The following TLE4 variants were observed in gnomAD, a reference collection of about 807,000 sequenced individuals.
The protein encoded by TLE4 is transducin-like enhancer protein 4.
Under a neutral mutation model 92.8 loss-of-function variants are expected in TLE4, and 8 were observed. The observed-to-expected ratio is 0.09, with a 90% CI of 0.05 to 0.16. TLE4 has a LOEUF of 0.16. TLE4 is among the 10% of genes least tolerant of loss of function. TLE4 has a pLI of 1.00. For missense variants in TLE4, 675 were observed against 997.6 expected (o/e 0.68, Z 4.36); for synonymous variants, 371 against 374.1 (o/e 0.99, Z 0.10).
chr9:79,598,110 G>A lies in TLE4; in HGVS notation c.253-14546G>A, dbSNP rs111324818. On this transcript the variant is annotated intron_variant, in intron 4 of 19. Coordinates refer to ENST00000376552, the MANE Select transcript of TLE4 (RefSeq NM_007005.6). ...AAAAAAAAAAAAAACTTACCCAGGC[G>A]TGGTGGCATGTGCCTGTAATCTCAG... 1.7e-3 allele frequency among the ~76,000 whole-genome samples: 263 copies of A among 150,664 alleles called. 1 individual carries two copies. The highest frequency in any genetic ancestry group is 5.5e-3 in the African/African-American group (226 of 41,012).
chr9:79,603,837 G>A (rs1203920273), intron 4 of TLE4, among the ~76,000 whole-genome samples: 2 of 152,126 alleles, frequency 1.3e-5, no homozygotes, highest in Non-Finnish European at 2.9e-5. Flanking sequence ...GGGGCTATAA[G>A]ACAAAGCTAT....
At chr9:79,691,727 TG>T (rs1005669283) in intron 8 of TLE4, among the ~76,000 whole-genome samples, 9 of 152,208 alleles carry the variant, frequency 5.9e-5, no homozygotes, top group African/African-American at 2.2e-4. Flanking sequence ...TCAGGAGGTT[TG>T]GCTCCAGCTT....
chr9:79,719,183 T>A (rs2075140727), intron 15 of TLE4, among the ~76,000 whole-genome samples: 1 of 152,170 alleles, frequency 6.6e-6, no homozygotes, highest in Admixed American at 6.5e-5. Context: ...TGCACCATAC[T>A]GATTTCATTA....
intron 8 of TLE4, among the ~76,000 whole-genome samples, chr9:79,687,223 C>T (rs2066058570): frequency 6.6e-6 from 1 of 152,214 alleles, no homozygotes; most frequent in South Asian, 2.1e-4. Context: ...TCACCATGCT[C>T]CTCACTTGCT....
At chr9:79,595,819 G>A (rs369409627) in intron 4 of TLE4, among the ~76,000 whole-genome samples, 38 of 150,964 alleles carry the variant, frequency 2.5e-4, no homozygotes, top group African/African-American at 8.5e-4. Flanking sequence ...TTATCTGAGA[G>A]AATTTTTGTT....
intron 6 of TLE4, among the ~76,000 whole-genome samples, chr9:79,639,246 AAATTCCTTT>A (rs1454082465): frequency 6.6e-6 from 1 of 152,058 alleles, no homozygotes; most frequent in East Asian, 1.9e-4. Flanking sequence ...TGAGAAATAA[AAATTCCTTT>A]AAAAAAAATT....
chr9:79,692,280 G>A (rs899380230), intron 8 of TLE4, among the ~76,000 whole-genome samples: 2 of 151,950 alleles, frequency 1.3e-5, no homozygotes, highest in Non-Finnish European at 2.9e-5. Context: ...AGGAGGGCAG[G>A]AAGATACCCA....
At chr9:79,695,665 G>A (rs1288716556) in intron 8 of TLE4, among the ~76,000 whole-genome samples, 1 of 152,178 alleles carries the variant, frequency 6.6e-6, no homozygotes, top group Admixed American at 6.5e-5. Context: ...CAAAAGAGTA[G>A]CCACAGCCAC....
Position 79,721,704 on chromosome 9 carries a change from C to T in TLE4, c.1839-37C>T, listed in dbSNP as rs75359317. ...TAAATTGATTTTAACTAAAAGCTAA[C>T]TTTTCAAGGGCTTTCCCTCCATTTT... On this transcript the variant is annotated intron_variant, in intron 16 of 19. Coordinates refer to ENST00000376552, the MANE Select transcript of TLE4 (RefSeq NM_007005.6). 1.2e-3 allele frequency: 1,935 copies of T among 1,613,180 alleles called. 20 individuals carry two copies. In the African/African-American group the frequency reaches 0.023, roughly 20 times the overall value.
At position 79,572,296 on chromosome 9, in the gene TLE4, A is replaced by G. The variant is rs2036033332; in HGVS notation, c.-495A>G. On this transcript the variant is annotated 5_prime_UTR_variant, in exon 1 of 20. Coordinates refer to ENST00000376552, the MANE Select transcript of TLE4 (RefSeq NM_007005.6). Reference sequence around the variant, plus strand: ...AAAAGCACCGCCGAGACCTCTTCCGAACCAAAGGAGTTTGTGTTTGCTTTT... The same window carrying G: ...AAAAGCACCGCCGAGACCTCTTCCGGACCAAAGGAGTTTGTGTTTGCTTTT... 1 of 152,224 alleles carries G rather than the reference A, an allele frequency of 6.6e-6. No homozygotes were observed. Among genetic ancestry groups the G allele is most frequent in the African/African-American group, 2.4e-5 (1 of 41,476 alleles). The allele number at this position is 152,224 out of a possible 1,614,324, so 9.4% of individuals were successfully genotyped here. A position where few individuals can be genotyped will look rare whatever the true frequency, so the allele number is the denominator to read the frequency against.
intron 5 of TLE4, among the ~76,000 whole-genome samples, chr9:79,617,674 G>C (rs1217133857): frequency 6.6e-6 from 1 of 152,088 alleles, no homozygotes; most frequent in Non-Finnish European, 1.5e-5. Context: ...TTAAAATGTG[G>C]AGCAAAATAC....
rs944410089 is a variant in TLE4 at position 79,709,759 on chromosome 9, C to G, written c.1340+60C>G. ...TCAAACTCAGGTCCCTTGCTGGCCC[C>G]GTAGACTTAGAATACCACTAGACAG... On this transcript the variant is annotated intron_variant, in intron 14 of 19. Transcript: ENST00000376552. 3 of 1,474,252 alleles carry G rather than the reference C, an allele frequency of 2.0e-6. No individual in the cohort carries two copies. In the East Asian group the frequency reaches 6.8e-5, roughly 34 times the overall value. The allele number at this position is 1,474,252 out of a possible 1,614,324, so 91.3% of individuals were successfully genotyped here. A position where few individuals can be genotyped will look rare whatever the true frequency, so the allele number is the denominator to read the frequency against.
At chr9:79,649,912 T>C in intron 6 of TLE4, 1 of 1,327,382 alleles carries the variant, frequency 7.5e-7, no homozygotes, top group Non-Finnish European at 9.9e-7. Context: ...TTTTTTTGTT[T>C]TTTGTTTTTT....
intron 4 of TLE4, among the ~76,000 whole-genome samples, chr9:79,592,013 A>G (rs2132325609): frequency 6.6e-6 from 1 of 152,220 alleles, no homozygotes; most frequent in Middle Eastern, 3.4e-3. Context: ...TCTGTATACC[A>G]CAGTGGACTT....
At chr9:79,659,616 C>T (rs2060250244) in intron 8 of TLE4, among the ~76,000 whole-genome samples, 1 of 152,174 alleles carries the variant, frequency 6.6e-6, no homozygotes, top group Non-Finnish European at 1.5e-5. Context: ...TTTTTTGCCA[C>T]TCCCTAACTC....
In TLE4 at chr9:79,572,646, C is replaced by T. The variant is rs1179481201; in HGVS notation, c.-145C>T. On this transcript the variant is annotated 5_prime_UTR_variant, in exon 1 of 20. An upstream open reading frame in the 5' UTR gains an earlier in-frame stop. Coordinates refer to ENST00000376552, the MANE Select transcript of TLE4 (RefSeq NM_007005.6). The stretch of plus-strand genomic sequence containing the variant: ...GCGCGTTCCTGCCGCCCGTGTCACG[C>T]GAGACCCGGCGGGGGCCGGGACCGC... 1 of 509,222 alleles carries T rather than the reference C, an allele frequency of 2.0e-6. No individual in the cohort carries two copies. The highest frequency in any genetic ancestry group is 3.1e-6 in the Non-Finnish European group (1 of 321,690). The allele number at this position is 509,222 out of a possible 1,614,324, so 31.5% of individuals were successfully genotyped here.
At chr9:79,649,789 G>T in intron 6 of TLE4, 1 of 1,357,760 alleles carries the variant, frequency 7.4e-7, no homozygotes, top group Non-Finnish European at 9.8e-7. Flanking sequence ...CCAATGGAAC[G>T]ATGAGTCGGT....
intron 4 of TLE4, among the ~76,000 whole-genome samples, chr9:79,605,390 G>A (rs953471082): frequency 4.6e-5 from 7 of 152,080 alleles, no homozygotes; most frequent in African/African-American, 1.7e-4. Context: ...CTGGATGTCT[G>A]GCACAATGAT....
At position 79,720,275 on chromosome 9, in the gene TLE4, A is replaced by G; in HGVS notation, c.1820A>G (p.His607Arg). 1 of 1,612,776 alleles carries G rather than the reference A, an allele frequency of 6.2e-7. No individual in the cohort carries two copies. The highest frequency in any genetic ancestry group is 8.5e-7 in the Non-Finnish European group (1 of 1,179,064). The part of the protein sequence containing the change: ...SDGNIAVWDL[H>R]NQTLVRQFQG... ...GGCAACATCGCTGTGTGGGATCTGC[A>G]CAACCAGACCTTGGTGAGGTAGGTT... The change falls in exon 16 of 20, where the codon CAC becomes CGC. Residue 607 changes from histidine to arginine, a missense_variant. By Grantham distance (29) the His-to-Arg change is conservative. Transcript: ENST00000376552.
Sources: gnomAD v4.1 joint callset for allele counts (sites outside exome capture counted in the v4.1 genomes callset) on GRCh38, gnomAD v4.1.1 for gene constraint, MANE v1.5 for transcripts, NCBI Gene and HGNC (gene_info 2026-07-23, HGNC 2026-07-21) for gene names.